The following KLB variants were observed in gnomAD, a reference collection of about 807,000 sequenced individuals.
KLB encodes the protein beta-klotho.
In KLB, 44 loss-of-function variants were observed where a neutral mutation model predicts 88.4. The ratio of observed to expected loss-of-function variants is 0.50; its 90% CI spans 0.39 to 0.64. KLB has a LOEUF of 0.64. KLB is among the 30% of genes least tolerant of loss of function. The pLI, the probability that KLB is intolerant of heterozygous loss-of-function variation, is 0.00. For missense variants in KLB, 1,137 were observed against 1,304.8 expected (o/e 0.87, Z 1.98); for synonymous variants, 548 against 513.4 (o/e 1.07, Z -0.91).
rs921997085 is a variant in KLB, at chr4:39,449,548, C to G, written c.*862C>G. The G allele has an allele frequency of 2.0e-5, 3 of 152,106 alleles. No homozygotes were observed. The highest frequency in any genetic ancestry group is 7.2e-5 in the African/African-American group (3 of 41,398). 9.4% of individuals were successfully genotyped at this position (152,106 alleles called of 1,614,324 possible). A position where few individuals can be genotyped will look rare whatever the true frequency, so the allele number is the denominator to read the frequency against. On this transcript the variant is annotated 3_prime_UTR_variant, in exon 5 of 5. Transcript: ENST00000257408. ...TACAACACAGACTCTTAAAGAGGATCAAGCCCTTCATTTTTCTAACAACAA... is the reference window on the plus strand; with the variant it reads ...TACAACACAGACTCTTAAAGAGGATGAAGCCCTTCATTTTTCTAACAACAA...
At chr4:39,410,220 A>G (rs1315900333) in intron 1 of KLB, among the ~76,000 whole-genome samples, 1 of 152,236 alleles carries the variant, frequency 6.6e-6, no homozygotes, top group Non-Finnish European at 1.5e-5. Context: ...AAATTGGCTG[A>G]TAAGAATAAA....
rs1477831102 is a variant in KLB at position 39,424,772 on chromosome 4, G to A, written c.826-9438G>A. ...GCCTCCCTGGTAGCTGGGACTACAG[G>A]CATGTGCCACCACGCCTGGCTAATT... is the stretch of plus-strand genomic sequence containing the variant. On this transcript the variant is annotated intron_variant, in intron 1 of 4. Transcript: ENST00000257408. 2.0e-5 allele frequency among the ~76,000 whole-genome samples: 3 copies of A among 152,110 alleles called. No individual in the cohort carries two copies. In the East Asian group the frequency reaches 5.8e-4, roughly 29 times the overall value.
chr4:39,432,176 A>G (rs1467121673), intron 1 of KLB, among the ~76,000 whole-genome samples: 1 of 152,174 alleles, frequency 6.6e-6, no homozygotes, highest in Non-Finnish European at 1.5e-5. Context: ...AGTCTCAACT[A>G]CTAGGGAGGC....
chr4:39,428,311 C>T (rs1469909818), intron 1 of KLB, among the ~76,000 whole-genome samples: 2 of 151,724 alleles, frequency 1.3e-5, no homozygotes, highest in Non-Finnish European at 2.9e-5. Context: ...GCCTGTAATC[C>T]CAGTTACTCA....
chr4:39,424,892 G>T (rs1157822054), intron 1 of KLB, among the ~76,000 whole-genome samples: 2 of 152,114 alleles, frequency 1.3e-5, no homozygotes. Flanking sequence ...GCCTCCCAAA[G>T]TGCTGGGATT....
chr4:39,409,058 A>C (rs1440251889), intron 1 of KLB, among the ~76,000 whole-genome samples: 1 of 151,712 alleles, frequency 6.6e-6, no homozygotes, highest in South Asian at 2.1e-4. Context: ...ACACATGTGC[A>C]TTGTACTATG....
At position 39,447,318 on chromosome 4, in the gene KLB, G is replaced by A. The variant is rs778162695; in HGVS notation, c.2592G>A (p.Val864=). ...TRLSSPTRLA[V]IPWGVRKLLR... is the part of the protein sequence containing the mutation. ...TGAGCTCCCCCACGCGCCTGGCTGT[G>A]ATTCCCTGGGGGGTGCGCAAGCTGC... Residue 864 remains valine (V), a synonymous_variant, in exon 4 of 5, where the codon GTG becomes GTA. Transcript: ENST00000257408. 1 of 1,614,130 alleles carries A rather than the reference G, an allele frequency of 6.2e-7. No individual in the cohort carries two copies. The highest frequency in any genetic ancestry group is 8.5e-7 in the Non-Finnish European group (1 of 1,180,006).
Position 39,434,677 on chromosome 4 carries a change from G to A in KLB, c.1293G>A (p.Thr431=), listed in dbSNP as rs1349529955. 4.3e-6 allele frequency: 7 copies of A among 1,613,888 alleles called. No homozygotes were observed. The highest frequency in any genetic ancestry group is 3.3e-5 in the South Asian group (3 of 91,056). Residue 431 remains threonine (T), a synonymous_variant, in exon 2 of 5, where the codon ACG becomes ACA. Coordinates refer to ENST00000257408, the MANE Select transcript of KLB (RefSeq NM_175737.4). ...GTCGTGTGAAAACAGAAGACACCAC[G>A]GCCATCTACATGATGAAGAATTTCC... is the stretch of plus-strand genomic sequence containing the variant. ...TDSRVKTEDT[T]AIYMMKNFLS...
At chr4:39,415,597 G>C (rs1217256856) in intron 1 of KLB, among the ~76,000 whole-genome samples, 1 of 152,054 alleles carries the variant, frequency 6.6e-6, no homozygotes, top group Non-Finnish European at 1.5e-5. Flanking sequence ...TTATTTATTA[G>C]ATGGTAAAAT....
At chr4:39,416,078 GCAA>G (rs1424277131) in intron 1 of KLB, among the ~76,000 whole-genome samples, 3 of 150,834 alleles carry the variant, frequency 2.0e-5, no homozygotes, top group East Asian at 1.9e-4. Context: ...ATTTAAACCT[GCAA>G]CAACAACAAA....
rs1743839576 is a variant in KLB, at chr4:39,449,384, A to G, written c.*698A>G. ...TTAGACTCTACAGCAGAGATTTAACACCCTTCTTTAAACTGGGTAGTCAGT... is the reference window on the plus strand; with the variant it reads ...TTAGACTCTACAGCAGAGATTTAACGCCCTTCTTTAAACTGGGTAGTCAGT... On this transcript the variant is annotated 3_prime_UTR_variant, in exon 5 of 5. Transcript: ENST00000257408. The G allele has an allele frequency of 6.6e-6, 1 of 151,972 alleles. No individual in the cohort carries two copies. Among genetic ancestry groups the G allele is most frequent in the Non-Finnish European group, 1.5e-5 (1 of 68,014 alleles). 9.4% of individuals were successfully genotyped at this position (151,972 alleles called of 1,614,324 possible). A position where few individuals can be genotyped will look rare whatever the true frequency, so the allele number is the denominator to read the frequency against.
intron 1 of KLB, among the ~76,000 whole-genome samples, chr4:39,423,628 A>G (rs13146907): frequency 0.33 from 49,662 of 151,588 alleles, 9,950 homozygotes; most frequent in South Asian, 0.57. Context: ...CAGAAGCTGT[A>G]TTATCAATAA....
rs1400686160 is a variant in KLB, at chr4:39,447,491, C to T, written c.2749+16C>T. The T allele has an allele frequency of 2.0e-6, 3 of 1,536,768 alleles. No homozygotes were observed. The highest frequency in any genetic ancestry group is 2.7e-5 in the African/African-American group (2 of 72,962). On this transcript the variant is annotated intron_variant, in intron 4 of 4. Coordinates refer to ENST00000257408, the MANE Select transcript of KLB (RefSeq NM_175737.4). ...GTGCTGAAAGGTAAGGGCGGGGCCC[C>T]TTCAGACACAGGGCAGAGCGAGATT...
chr4:39,407,881 T>C, intron 1 of KLB, 107 bp downstream of exon 1: 3 of 640,890 alleles, frequency 4.7e-6, no homozygotes, highest in South Asian at 4.0e-5. Context: ...CAACTGATTT[T>C]AAGCTAATTC....
chr4:39,436,370 G>T (rs933657390), intron 2 of KLB, among the ~76,000 whole-genome samples: 3 of 152,172 alleles, frequency 2.0e-5, no homozygotes, highest in African/African-American at 7.2e-5. Flanking sequence ...GCACATAGGG[G>T]CCAAGGCTGA....
rs1280237452 is a variant in KLB at position 39,407,583 on chromosome 4, G to C, written c.634G>C (p.Asp212His). 1.2e-6 allele frequency: 2 copies of C among 1,614,004 alleles called. No homozygotes were observed. Among genetic ancestry groups the C allele is most frequent in the African/African-American group, 1.3e-5 (1 of 74,932 alleles). ...AGAAAAATATGGGGGGTGGAAAAATGATACCATAATAGATATCTTCAATGA... is the reference window on the plus strand; with the variant it reads ...AGAAAAATATGGGGGGTGGAAAAATCATACCATAATAGATATCTTCAATGA... ...LQEKYGGWKN[D>H]TIIDIFNDYA... is the part of the protein sequence containing the mutation. Residue 212 changes from aspartate to histidine, a missense_variant, in exon 1 of 5, where the codon GAT becomes CAT. Asp to His is a moderately conservative substitution (Grantham distance 81). Transcript: ENST00000257408.
intron 1 of KLB, among the ~76,000 whole-genome samples, chr4:39,425,826 C>T (rs1301709673): frequency 6.6e-6 from 1 of 152,018 alleles, no homozygotes; most frequent in Non-Finnish European, 1.5e-5. Flanking sequence ...CTATAGAAAA[C>T]ATGAATTTGG....
At position 39,446,907 on chromosome 4, in the gene KLB, C is replaced by T. The variant is rs752532256; in HGVS notation, c.2181C>T (p.Asp727=). 4.4e-6 allele frequency: 7 copies of T among 1,606,240 alleles called. No individual in the cohort carries two copies. The South Asian group carries it at 7.7e-5, about 18-fold the overall frequency. Residue 727 remains aspartate (D), a synonymous_variant, in exon 4 of 5, where the codon GAC becomes GAT. Coordinates refer to ENST00000257408, the MANE Select transcript of KLB (RefSeq NM_175737.4). The surrounding 1 kb of genome is among the most constrained non-coding windows in gnomAD (Gnocchi z 6.4). ...VAHALAWRLY[D]RQFRPSQRGA... is the part of the protein sequence containing the mutation. ...ACGCCCTGGCCTGGCGCCTCTACGA[C>T]CGGCAGTTCAGGCCCTCACAGCGCG...
intron 1 of KLB, among the ~76,000 whole-genome samples, chr4:39,415,358 G>T (rs1055724292): frequency 6.6e-6 from 1 of 152,038 alleles, no homozygotes; most frequent in Non-Finnish European, 1.5e-5. Context: ...GCCAGGTGAA[G>T]TGGCTCATGC....
Sources: allele counts gnomAD v4.1 joint callset (sites outside exome capture counted in the v4.1 genomes callset), GRCh38; gene constraint gnomAD v4.1.1; non-coding constraint Gnocchi (gnomAD v3.1); transcripts MANE v1.5; gene names NCBI Gene and HGNC (gene_info 2026-07-23, HGNC 2026-07-21).